The following DOK5 variants were observed in gnomAD, a reference collection of about 807,000 sequenced individuals.
DOK5 encodes downstream of tyrosine kinase 5.
In DOK5, 27 loss-of-function variants were observed where a neutral mutation model predicts 43.3. That is an observed-to-expected ratio of 0.62 (90% CI 0.46 to 0.86). DOK5 has a LOEUF of 0.86. Ranked by LOEUF, DOK5 falls within the 40% of genes least tolerant of loss-of-function variation. DOK5 has a pLI of 0.00. For missense variants in DOK5, 373 were observed against 392.9 expected (o/e 0.95, Z 0.43); for synonymous variants, 146 against 140.1 (o/e 1.04, Z -0.30).
intron 5 of DOK5, among the ~76,000 whole-genome samples, chr20:54,607,471 T>C (rs1986507340): frequency 6.6e-6 from 1 of 151,486 alleles, no homozygotes; most frequent in African/African-American, 2.4e-5. Flanking sequence ...GGGAAGTCCA[T>C]GTACATTAAA....
At chr20:54,536,734 A>G (rs149875403) in intron 1 of DOK5, among the ~76,000 whole-genome samples, 101 of 152,272 alleles carry the variant, frequency 6.6e-4, no homozygotes, top group African/African-American at 2.4e-3. Flanking sequence ...AACACTAAAG[A>G]AGAGACTGTG....
At chr20:54,595,762 G>T (rs1986121958) in intron 5 of DOK5, among the ~76,000 whole-genome samples, 1 of 152,254 alleles carries the variant, frequency 6.6e-6, no homozygotes, top group South Asian at 2.1e-4. Context: ...AAAGGAAAGT[G>T]TGGGAGTTGT....
At chr20:54,573,586 C>G (rs1485675969) in intron 2 of DOK5, among the ~76,000 whole-genome samples, 1 of 146,630 alleles carries the variant, frequency 6.8e-6, no homozygotes, top group African/African-American at 2.5e-5. Flanking sequence ...ACTTGGGAGG[C>G]TGAGGCAGGA....
rs117018402 is a variant in DOK5 at position 54,497,899 on chromosome 20, T to C, written c.66+21887T>C. Reference sequence around the variant, plus strand: ...ACCTTTTGTAATACAATGAAAACAATATTATGACCCTAATTGACCAGAGAC... The same window carrying C: ...ACCTTTTGTAATACAATGAAAACAACATTATGACCCTAATTGACCAGAGAC... On this transcript the variant is annotated intron_variant, in intron 1 of 7. Coordinates refer to ENST00000262593, the MANE Select transcript of DOK5 (RefSeq NM_018431.5). 2.0e-3 allele frequency among the ~76,000 whole-genome samples: 307 copies of C among 152,330 alleles called. 3 individuals are homozygous for C. The highest frequency in any genetic ancestry group is 3.4e-3 in the Middle Eastern group (1 of 294).
At chr20:54,490,682 T>C (rs1982132736) in intron 1 of DOK5, among the ~76,000 whole-genome samples, 1 of 152,188 alleles carries the variant, frequency 6.6e-6, no homozygotes, top group Non-Finnish European at 1.5e-5. Flanking sequence ...GCCTCCCGTG[T>C]TCAAGCAATT....
At chr20:54,593,296 C>G (rs1262776927) in intron 5 of DOK5, among the ~76,000 whole-genome samples, 1 of 151,870 alleles carries the variant, frequency 6.6e-6, no homozygotes, top group Non-Finnish European at 1.5e-5. Flanking sequence ...TAATCAAAGC[C>G]CAATTATTTA....
At chr20:54,581,391 GA>G (rs59020203) in intron 2 of DOK5, among the ~76,000 whole-genome samples, 33,955 of 140,508 alleles carry the variant, frequency 0.24, 8,256 homozygotes, top group African/African-American at 0.62. Flanking sequence ...TCCTATTTCT[GA>G]AAAAAAAAAA....
chr20:54,605,760 C>T (rs968612303), intron 5 of DOK5, among the ~76,000 whole-genome samples: 1 of 152,212 alleles, frequency 6.6e-6, no homozygotes, highest in African/African-American at 2.4e-5. Flanking sequence ...CCAAGCCATG[C>T]TCTAGGCATT....
chr20:54,532,568 G>A lies in DOK5; in HGVS notation c.67-22365G>A, dbSNP rs538142939. Reference sequence around the variant, plus strand: ...GCCTGGTGTGTGGGAGGCTGGAGGTGGGTATATCTTCACAGCTTGGCACAA... The same window carrying A: ...GCCTGGTGTGTGGGAGGCTGGAGGTAGGTATATCTTCACAGCTTGGCACAA... On this transcript the variant is annotated intron_variant, in intron 1 of 7. Transcript: ENST00000262593. Among the ~76,000 whole-genome samples, 114 of 152,294 alleles carry A rather than the reference G, an allele frequency of 7.5e-4. 1 individual carries two copies. Among genetic ancestry groups the A allele is most frequent in the South Asian group, 5.8e-3 (28 of 4,822 alleles).
chr20:54,506,355 A>G (rs905428188), intron 1 of DOK5, among the ~76,000 whole-genome samples: 12 of 152,204 alleles, frequency 7.9e-5, no homozygotes, highest in African/African-American at 2.9e-4. Context: ...ATTGTTTAGA[A>G]CAATGTCTGC....
rs1432425035 is a variant in DOK5, at chr20:54,524,896, T to G, written c.67-30037T>G. ...AAGGGGGATGGAAAAGGTTGAGTTT[T>G]TGTCACTTTTTGCAGCTTGTATGTT... On this transcript the variant is annotated intron_variant, in intron 1 of 7. Coordinates refer to ENST00000262593, the MANE Select transcript of DOK5 (RefSeq NM_018431.5). Among the ~76,000 whole-genome samples, 5 of 152,224 alleles carry G rather than the reference T, an allele frequency of 3.3e-5. No individual in the cohort carries two copies. The East Asian group carries it at 9.6e-4, about 29-fold the overall frequency.
At chr20:54,599,075 A>G (rs73144063) in intron 5 of DOK5, among the ~76,000 whole-genome samples, 8,984 of 152,292 alleles carry the variant, frequency 0.059, 304 homozygotes, top group Middle Eastern at 0.095. Context: ...CATATTCCCA[A>G]TTTATCTTCT....
At chr20:54,551,163 T>C (rs149175168) in intron 1 of DOK5, among the ~76,000 whole-genome samples, 28 of 152,354 alleles carry the variant, frequency 1.8e-4, no homozygotes, top group Admixed American at 9.8e-4. Flanking sequence ...ATATTGAACA[T>C]GTTTTCATGT....
rs112690376 is a variant in DOK5, at chr20:54,522,522, C to CTTTT, written c.67-32399_67-32396dup. On this transcript the variant is annotated intron_variant, in intron 1 of 7. Transcript: ENST00000262593. Reference sequence around the variant, plus strand: ...GTTTTCTTTTTCTTTTTCTTTCTTTCTTTTTTTTTTTTTTTGAGACAGAGC... The same window carrying CTTTT: ...GTTTTCTTTTTCTTTTTCTTTCTTTCTTTTTTTTTTTTTTTTTTTGAGACAGAGC... Among the ~76,000 whole-genome samples the CTTTT allele has an allele frequency of 2.8e-3, 388 of 140,192 alleles. 3 individuals are homozygous for CTTTT. Among genetic ancestry groups the CTTTT allele is most frequent in the African/African-American group, 9.7e-3 (371 of 38,236 alleles). The allele number at this position is 140,192 out of a possible 152,430, so 92.0% of individuals were successfully genotyped here. A position where few individuals can be genotyped will look rare whatever the true frequency, so the allele number is the denominator to read the frequency against.
chr20:54,601,672 A>T (rs1157627059), intron 5 of DOK5, among the ~76,000 whole-genome samples: 2 of 152,210 alleles, frequency 1.3e-5, no homozygotes, highest in Non-Finnish European at 2.9e-5. Flanking sequence ...TGTGCTAGTG[A>T]TGATGAAATG....
chr20:54,637,168 C>T lies in DOK5; in HGVS notation c.736-6290C>T, dbSNP rs138977299. 3.2e-4 allele frequency among the ~76,000 whole-genome samples: 48 copies of T among 152,312 alleles called. 1 individual carries two copies. The highest frequency in any genetic ancestry group is 1.1e-3 in the African/African-American group (45 of 41,576). On this transcript the variant is annotated intron_variant, in intron 6 of 7. Transcript: ENST00000262593. ...TGCTTCTACATTGTAACATGGGTCT[C>T]GTACTGCATGGTTAGCTTCTCTCCC...
intron 5 of DOK5, among the ~76,000 whole-genome samples, chr20:54,606,041 A>C (rs1027236207): frequency 3.3e-5 from 5 of 152,236 alleles, no homozygotes; most frequent in Non-Finnish European, 7.3e-5. Context: ...AAGCTCCTGC[A>C]TTCTATTATG....
intron 1 of DOK5, among the ~76,000 whole-genome samples, chr20:54,477,361 C>G (rs998266559): frequency 1.3e-5 from 2 of 152,114 alleles, no homozygotes; most frequent in Admixed American, 6.5e-5. Flanking sequence ...TTTTCTTTTT[C>G]TCCCCTGCTG....
chr20:54,571,790 C>T (rs1056930411), intron 2 of DOK5, among the ~76,000 whole-genome samples: 1 of 152,126 alleles, frequency 6.6e-6, no homozygotes, highest in Non-Finnish European at 1.5e-5. Flanking sequence ...TGCAGCGTAC[C>T]AGCCCCTTTA....
Sources: gnomAD v4.1 joint callset for allele counts (sites outside exome capture counted in the v4.1 genomes callset) on GRCh38, gnomAD v4.1.1 for gene constraint, MANE v1.5 for transcripts, NCBI Gene and HGNC (gene_info 2026-07-23, HGNC 2026-07-21) for gene names.